The following PDE4D variants were observed in gnomAD, a reference collection of about 807,000 sequenced individuals.
PDE4D encodes the protein 3',5'-cyclic-AMP phosphodiesterase 4D.
A neutral mutation model predicts 87.4 loss-of-function variants in PDE4D; 24 were observed. The ratio of observed to expected loss-of-function variants is 0.27; its 90% CI spans 0.20 to 0.39. The LOEUF (loss-of-function observed/expected upper bound fraction) is 0.39, where lower values mean the gene tolerates loss of function less well. Among genes scored for constraint, PDE4D ranks in the 10% least tolerant of loss-of-function variants. PDE4D has a pLI of 1.00. For synonymous variants in PDE4D, 384 were observed against 383.2 expected (o/e 1.00, Z -0.02); for missense variants, 714 against 1,041.0 (o/e 0.69, Z 4.32).
intron 1 of PDE4D, among the ~76,000 whole-genome samples, chr5:59,327,514 C>CTGA (rs1226484818): frequency 1.3e-5 from 2 of 152,082 alleles, no homozygotes; most frequent in African/African-American, 4.8e-5. Flanking sequence ...GCAAAGTGTT[C>CTGA]AGATTAGGCA....
intron 2 of PDE4D, among the ~76,000 whole-genome samples, chr5:60,157,391 T>C (rs1005092307): frequency 3.3e-5 from 5 of 152,142 alleles, no homozygotes; most frequent in Non-Finnish European, 5.9e-5. Flanking sequence ...AGAAATTCCC[T>C]GTACCTATGA....
chr5:59,664,016 T>G lies in PDE4D; in HGVS notation c.455+229152A>C, dbSNP rs745795248. ...CCAATGTAACCAACATTTGCCTATT[T>G]TTAAAAAGCTCTTCCTTCATTCTGA... On this transcript the variant is annotated intron_variant, in intron 1 of 14. Transcript: ENST00000340635. 4.2e-4 allele frequency among the ~76,000 whole-genome samples: 64 copies of G among 152,218 alleles called. 1 individual carries two copies. Among genetic ancestry groups the G allele is most frequent in the Non-Finnish European group, 8.8e-5 (6 of 68,036 alleles).
intron 1 of PDE4D, among the ~76,000 whole-genome samples, chr5:59,418,100 A>G (rs1269767488): frequency 6.6e-6 from 1 of 152,176 alleles, no homozygotes; most frequent in Non-Finnish European, 1.5e-5. Context: ...TCCCCTCATT[A>G]GTCTCCTTAC....
intron 6 of PDE4D, among the ~76,000 whole-genome samples, chr5:59,035,503 G>A (rs898873178): frequency 6.6e-6 from 1 of 152,288 alleles, no homozygotes; most frequent in East Asian, 1.9e-4. Context: ...TTTTAGCCAC[G>A]TAGGCAACCA....
chr5:60,514,850 AG>A (rs71606639), intron 1 of PDE4D, among the ~76,000 whole-genome samples: 2 of 152,166 alleles, frequency 1.3e-5, no homozygotes, highest in East Asian at 1.9e-4. Context: ...CAATAAAGCA[AG>A]GGGGGGAAAA....
chr5:59,409,995 G>A (rs1348771359), intron 1 of PDE4D, among the ~76,000 whole-genome samples: 1 of 151,964 alleles, frequency 6.6e-6, no homozygotes, highest in Non-Finnish European at 1.5e-5. Flanking sequence ...TTTAATACAG[G>A]CATACAGTGT....
intron 5 of PDE4D, among the ~76,000 whole-genome samples, chr5:59,093,922 A>T (rs1334494060): frequency 6.6e-6 from 1 of 152,092 alleles, no homozygotes; most frequent in African/African-American, 2.4e-5. Context: ...ATATACCATT[A>T]AAAAGGAGAG....
intron 2 of PDE4D, among the ~76,000 whole-genome samples, chr5:60,124,702 C>T (rs12522367): frequency 0.14 from 21,307 of 152,016 alleles, 1,541 homozygotes; most frequent in Middle Eastern, 0.22. Context: ...ATTTCTCTGC[C>T]TAAATTCTTT....
chr5:59,256,364 A>G (rs773148368), intron 1 of PDE4D, among the ~76,000 whole-genome samples: 1 of 152,056 alleles, frequency 6.6e-6, no homozygotes, highest in Non-Finnish European at 1.5e-5. Flanking sequence ...CCTCCTTTTA[A>G]TAGGCATGAA....
chr5:59,611,818 T>C (rs1829042202), intron 1 of PDE4D, among the ~76,000 whole-genome samples: 2 of 152,202 alleles, frequency 1.3e-5, no homozygotes, highest in South Asian at 2.1e-4. Context: ...TTCATTGATA[T>C]TGAGGGATTT....
At chr5:60,101,875 T>G (rs527405287) in intron 2 of PDE4D, among the ~76,000 whole-genome samples, 54 of 152,306 alleles carry the variant, frequency 3.5e-4, no homozygotes, top group African/African-American at 1.2e-3. Flanking sequence ...TATTTTTAAT[T>G]TACTGTGGAT....
At chr5:60,279,887 G>T (rs1407553243) in intron 1 of PDE4D, among the ~76,000 whole-genome samples, 1 of 151,820 alleles carries the variant, frequency 6.6e-6, no homozygotes, top group Non-Finnish European at 1.5e-5. Context: ...TCACTATATT[G>T]GCCAGGCTAT....
chr5:60,456,811 C>T (rs1169476128), intron 1 of PDE4D, among the ~76,000 whole-genome samples: 1 of 152,174 alleles, frequency 6.6e-6, no homozygotes, highest in African/African-American at 2.4e-5. Context: ...CTCATCCTGA[C>T]ACGCCCGAGT....
chr5:59,365,848 G>C (rs1306289050), intron 1 of PDE4D, among the ~76,000 whole-genome samples: 1 of 152,070 alleles, frequency 6.6e-6, no homozygotes, highest in East Asian at 1.9e-4. Flanking sequence ...CATTAAAACT[G>C]ACAAACGGTC....
At chr5:59,855,387 C>A (rs1229135775) in intron 1 of PDE4D, among the ~76,000 whole-genome samples, 2 of 152,006 alleles carry the variant, frequency 1.3e-5, no homozygotes, top group African/African-American at 4.8e-5. Flanking sequence ...TTTAAGAAAT[C>A]TGAAAGTCAA....
intron 1 of PDE4D, among the ~76,000 whole-genome samples, chr5:60,341,108 CTG>C (rs1758276288): frequency 6.6e-6 from 1 of 151,648 alleles, no homozygotes; most frequent in African/African-American, 2.4e-5. Flanking sequence ...TATCTTGAAA[CTG>C]TTCTGAATGA....
At chr5:59,254,995 C>T (rs1233590294) in intron 1 of PDE4D, among the ~76,000 whole-genome samples, 1 of 152,090 alleles carries the variant, frequency 6.6e-6, no homozygotes, top group Admixed American at 6.6e-5. Context: ...AATGCAGATA[C>T]ACTGGAAAAT....
chr5:59,893,443 C>A lies in PDE4D; in HGVS notation c.180G>T (p.Pro60=). The change falls in exon 1 of 15, where the codon CCG becomes CCT. Residue 60 remains proline, a synonymous_variant. Transcript: ENST00000340635. ...LLHPHHHLPP[P]PPPSPQPQPQ... is the part of the protein sequence containing the mutation. ...GCTGGGGCTGGGGCGAGGGTGGCGG[C>A]GGCGGGGGCAGGTGGTGATGGGGAT... is the stretch of plus-strand genomic sequence containing the variant. 1 of 1,509,126 alleles carries A rather than the reference C, an allele frequency of 6.6e-7. No individual in the cohort carries two copies. Among genetic ancestry groups the A allele is most frequent in the Non-Finnish European group, 8.9e-7 (1 of 1,126,630 alleles). 93.5% of individuals were successfully genotyped at this position (1,509,126 alleles called of 1,614,324 possible). A position where few individuals can be genotyped will look rare whatever the true frequency, so the allele number is the denominator to read the frequency against.
At chr5:59,297,218 A>G (rs1250405449) in intron 1 of PDE4D, among the ~76,000 whole-genome samples, 1 of 152,226 alleles carries the variant, frequency 6.6e-6, no homozygotes, top group African/African-American at 2.4e-5. Context: ...TTAACATCCT[A>G]TAAAGGAATC....
Sources: gnomAD v4.1 joint callset for allele counts (sites outside exome capture counted in the v4.1 genomes callset) on GRCh38, gnomAD v4.1.1 for gene constraint, MANE v1.5 for transcripts, NCBI Gene and HGNC (gene_info 2026-07-23, HGNC 2026-07-21) for gene names.